Variants in CCDC178 observed in about 807,000 individuals in gnomAD.
The protein encoded by CCDC178 is coiled-coil domain-containing protein 178.
Under a neutral mutation model 117.4 loss-of-function variants are expected in CCDC178, and 126 were observed. The ratio of observed to expected loss-of-function variants is 1.07; its 90% CI spans 0.93 to 1.24. CCDC178 has a LOEUF of 1.24. Among genes scored for constraint, CCDC178 ranks in the 50% most tolerant of loss-of-function variants. The pLI, the probability that CCDC178 is intolerant of heterozygous loss-of-function variation, is 0.00. For missense variants in CCDC178, 1,030 were observed against 986.9 expected (o/e 1.04, Z -0.59); for synonymous variants, 283 against 313.4 (o/e 0.90, Z 1.02).
At chr18:33,372,498 G>A (rs1460434043) in intron 5 of CCDC178, among the ~76,000 whole-genome samples, 2 of 152,070 alleles carry the variant, frequency 1.3e-5, no homozygotes, top group Non-Finnish European at 2.9e-5. Context: ...CATAAATCGA[G>A]GGAGCTCCTC....
intron 21 of CCDC178, among the ~76,000 whole-genome samples, chr18:32,976,243 A>G (rs2055025152): frequency 6.6e-6 from 1 of 152,172 alleles, no homozygotes; most frequent in Non-Finnish European, 1.5e-5. Context: ...TTTCTTTAGT[A>G]TTAGCCAAGC....
chr18:33,018,315 G>C (rs1341330117), intron 21 of CCDC178, among the ~76,000 whole-genome samples: 1 of 152,042 alleles, frequency 6.6e-6, no homozygotes, highest in Non-Finnish European at 1.5e-5. Flanking sequence ...CAGATGTGGA[G>C]AAAGTGGAAC....
At chr18:33,186,288 A>ATGTG (rs369964008) in intron 20 of CCDC178, among the ~76,000 whole-genome samples, 27 of 151,762 alleles carry the variant, frequency 1.8e-4, no homozygotes, top group Middle Eastern at 6.8e-3. Context: ...AAGAGTGTGT[A>ATGTG]TGTGTGTGTG....
intron 21 of CCDC178, among the ~76,000 whole-genome samples, chr18:33,075,736 A>G (rs1329817756): frequency 5.3e-5 from 8 of 152,088 alleles, no homozygotes. Flanking sequence ...TGGGAGGCCG[A>G]GGCAGGTGGA....
intron 20 of CCDC178, among the ~76,000 whole-genome samples, chr18:33,139,857 C>G (rs2058177907): frequency 6.6e-6 from 1 of 152,102 alleles, no homozygotes; most frequent in Non-Finnish European, 1.5e-5. Context: ...GGGAAAATGT[C>G]TCCAGGGCAT....
intron 20 of CCDC178, among the ~76,000 whole-genome samples, chr18:33,179,095 A>ATATATATATAAAC (rs1568037003): frequency 1.4e-4 from 16 of 111,654 alleles, no homozygotes; most frequent in Non-Finnish European, 2.2e-4. Flanking sequence ...ATATATATAT[A>ATATATATATAAAC]TATATATATA....
Position 33,396,571 on chromosome 18 carries a change from T to G in CCDC178, c.118+578A>C, listed in dbSNP as rs980834262. Among the ~76,000 whole-genome samples the G allele has an allele frequency of 2.6e-5, 4 of 152,024 alleles. No individual in the cohort carries two copies. The East Asian group carries it at 7.7e-4, about 29-fold the overall frequency. On this transcript the variant is annotated intron_variant, in intron 4 of 22. Transcript: ENST00000383096. Reference sequence around the variant, plus strand: ...AATGGATGAAAGCCACAAATTACATTGAGCAAAAAAAGTAGCAAGGATAAA... The same window carrying G: ...AATGGATGAAAGCCACAAATTACATGGAGCAAAAAAAGTAGCAAGGATAAA...
rs2062609334 is a variant in CCDC178, at chr18:33,328,082, G to GTTTTTTTTTTTTTTTTTTT, written c.880-4450_880-4449insAAAAAAAAAAAAAAAAAAA. 29 of 242,062 alleles carry GTTTTTTTTTTTTTTTTTTT rather than the reference G, an allele frequency of 1.2e-4. 7 individuals carry two copies. Among genetic ancestry groups the GTTTTTTTTTTTTTTTTTTT allele is most frequent in the African/African-American group, 9.5e-4 (29 of 30,394 alleles). 15.0% of individuals were successfully genotyped at this position (242,062 alleles called of 1,614,324 possible). A position where few individuals can be genotyped will look rare whatever the true frequency, so the allele number is the denominator to read the frequency against. On this transcript the variant is annotated intron_variant, in intron 10 of 22. Coordinates refer to ENST00000383096, the MANE Select transcript of CCDC178 (RefSeq NM_001105528.4). ...CCAAGGTCATAAAGATTTATCCCTA[G>GTTTTTTTTTTTTTTTTTTT]ATTTTTTTTTTTTTTTTTTTTTTTT... is the stretch of plus-strand genomic sequence containing the variant.
chr18:33,106,814 A>T (rs1255983844), intron 20 of CCDC178, among the ~76,000 whole-genome samples: 1 of 151,714 alleles, frequency 6.6e-6, no homozygotes, highest in Non-Finnish European at 1.5e-5. Flanking sequence ...TGGAGGAAGA[A>T]GCAGGAGAAA....
At chr18:33,072,638 T>C (rs1420048821) in intron 21 of CCDC178, among the ~76,000 whole-genome samples, 1 of 152,224 alleles carries the variant, frequency 6.6e-6, no homozygotes, top group East Asian at 1.9e-4. Flanking sequence ...GTGTATTGTG[T>C]GTCATCACCA....
At chr18:33,133,647 G>A (rs1036192414) in intron 20 of CCDC178, among the ~76,000 whole-genome samples, 2 of 151,808 alleles carry the variant, frequency 1.3e-5, no homozygotes, top group East Asian at 3.9e-4. Flanking sequence ...AGTAAACTCC[G>A]TAGACAACTC....
At chr18:32,978,833 T>C (rs377608537) in intron 21 of CCDC178, among the ~76,000 whole-genome samples, 1 of 152,176 alleles carries the variant, frequency 6.6e-6, no homozygotes, top group South Asian at 2.1e-4. Context: ...GGTCAGGAGT[T>C]TGAGACCAGC....
chr18:33,190,249 T>C (rs1405811227), intron 20 of CCDC178, among the ~76,000 whole-genome samples: 1 of 152,206 alleles, frequency 6.6e-6, no homozygotes, highest in Non-Finnish European at 1.5e-5. Flanking sequence ...AGTTTCTCTT[T>C]CCAGATCTTT....
chr18:33,185,154 C>T (rs2058775775), intron 20 of CCDC178, among the ~76,000 whole-genome samples: 2 of 151,880 alleles, frequency 1.3e-5, no homozygotes, highest in African/African-American at 4.8e-5. Flanking sequence ...TTAAAGAAAT[C>T]ATTTGAGAGA....
At chr18:33,103,046 A>G (rs1187686570) in intron 20 of CCDC178, among the ~76,000 whole-genome samples, 5 of 151,806 alleles carry the variant, frequency 3.3e-5, no homozygotes, top group African/African-American at 1.2e-4. Flanking sequence ...TAATTAATAT[A>G]TTAGTATCGT....
Position 33,224,924 on chromosome 18 carries a change from AATAT to A in CCDC178, c.1665_1668del (p.Tyr556ProfsTer14), listed in dbSNP as rs759944357. ...TCAAGTGCCTGGACTTCGTAAATGG[AATAT>A]AGTTTTTTCTGCCAGCAAAGATTTT... On this transcript the variant is annotated frameshift_variant, in exon 17 of 23. Transcript: ENST00000383096. LOFTEE classifies it high-confidence loss of function. 1.3e-6 allele frequency: 2 copies of A among 1,482,434 alleles called. No homozygotes were observed. The highest frequency in any genetic ancestry group is 1.5e-5 in the South Asian group (1 of 68,206). 91.8% of individuals were successfully genotyped at this position (1,482,434 alleles called of 1,614,324 possible).
intron 21 of CCDC178, among the ~76,000 whole-genome samples, chr18:33,007,519 T>C (rs2055776107): frequency 6.6e-6 from 1 of 151,948 alleles, no homozygotes; most frequent in Non-Finnish European, 1.5e-5. Flanking sequence ...TGTCTCACTG[T>C]CATCACTAAA....
chr18:33,226,986 T>C (rs1044014440), intron 15 of CCDC178, 131 bp from the exon 16 acceptor site: 5 of 343,052 alleles, frequency 1.5e-5, no homozygotes, highest in Non-Finnish European at 2.5e-5. Context: ...TATAATTTAT[T>C]ATATGTATTT....
chr18:33,045,248 A>G (rs1598822335), intron 21 of CCDC178, among the ~76,000 whole-genome samples: 1 of 152,222 alleles, frequency 6.6e-6, no homozygotes, highest in African/African-American at 2.4e-5. Flanking sequence ...TCATGTATTT[A>G]TAGAATTTAA....
Sources: gnomAD v4.1 joint callset for allele counts (sites outside exome capture counted in the v4.1 genomes callset) on GRCh38, gnomAD v4.1.1 for gene constraint, MANE v1.5 for transcripts, NCBI Gene and HGNC (gene_info 2026-07-23, HGNC 2026-07-21) for gene names.